The following BLTP3B variants were observed in gnomAD, a reference collection of about 807,000 sequenced individuals.
The protein encoded by BLTP3B is bridge-like lipid transfer protein family member 3B, also known as UHRF1 (ICBP90) binding protein 1-like.
At chr12:100,054,209 T>A in the BLTP3B span, among the ~76,000 whole-genome samples, 9 of 152,310 alleles carry the variant, frequency 5.9e-5, no homozygotes, top group South Asian at 1.4e-3. Flanking sequence ...CAATTTTATA[T>A]AGGCTTAAAA....
At chr12:100,054,104 ATATAAT>A in the BLTP3B span, among the ~76,000 whole-genome samples, 1 of 152,196 alleles carries the variant, frequency 6.6e-6, no homozygotes, top group Non-Finnish European at 1.5e-5. Context: ...GTGAACAATA[ATATAAT>A]TATAGCACTT....
At chr12:100,116,843 C>T in the BLTP3B span, among the ~76,000 whole-genome samples, 1 of 152,038 alleles carries the variant, frequency 6.6e-6, no homozygotes, top group Non-Finnish European at 1.5e-5. Context: ...GAAAATCATA[C>T]AGAATTATTA....
At chr12:100,060,066 A>T in the BLTP3B span, 4 of 1,535,462 alleles carry the variant, frequency 2.6e-6, no homozygotes, top group Non-Finnish European at 3.5e-6. Context: ...GATGTTTTTT[A>T]AAAATTTTTA....
At chr12:100,048,068 C>T in the BLTP3B span, 3 of 1,612,862 alleles carry the variant, frequency 1.9e-6, no homozygotes, top group African/African-American at 4.0e-5. Context: ...CTGAAGTTTT[C>T]TATGTGGCAC....
chr12:100,118,765 T>C, the BLTP3B span, among the ~76,000 whole-genome samples: 4 of 152,170 alleles, frequency 2.6e-5, no homozygotes, highest in Admixed American at 2.6e-4. Context: ...TTATGGAAAG[T>C]TTATTCATTT....
chr12:100,142,821 G>A, the BLTP3B span: 12 of 754,718 alleles, frequency 1.6e-5, no homozygotes, highest in African/African-American at 9.4e-5. Context: ...TCACGCTCAG[G>A]CCGCCACGGC....
chr12:100,059,405 T>A, the BLTP3B span: 28 of 1,614,088 alleles, frequency 1.7e-5, no homozygotes, highest in Admixed American at 3.3e-4. Context: ...GAAACAAAGC[T>A]TCTAGGTCAG....
the BLTP3B span, among the ~76,000 whole-genome samples, chr12:100,061,037 G>A: frequency 1.3e-5 from 2 of 152,084 alleles, no homozygotes; most frequent in African/African-American, 4.8e-5. Flanking sequence ...AAAAAATAGG[G>A]CATGGTCCTT....
the BLTP3B span, among the ~76,000 whole-genome samples, chr12:100,085,672 T>C: frequency 6.6e-6 from 1 of 152,146 alleles, no homozygotes; most frequent in Non-Finnish European, 1.5e-5. Context: ...TCTAGTTTGG[T>C]TTTTCTCACT....
the BLTP3B span, among the ~76,000 whole-genome samples, chr12:100,124,067 T>A: frequency 6.6e-6 from 1 of 151,780 alleles, no homozygotes; most frequent in Non-Finnish European, 1.5e-5. Flanking sequence ...GAGTTCAAGA[T>A]CAGCCTGGGA....
chr12:100,046,493 G>C, the BLTP3B span, among the ~76,000 whole-genome samples: 3 of 150,598 alleles, frequency 2.0e-5, no homozygotes, highest in East Asian at 5.9e-4. Flanking sequence ...ACTGTATACC[G>C]CATGTTCTCA....
At chr12:100,062,402 G>C in the BLTP3B span, among the ~76,000 whole-genome samples, 6 of 152,190 alleles carry the variant, frequency 3.9e-5, no homozygotes, top group Non-Finnish European at 5.9e-5. Context: ...GTTCAAAACA[G>C]AGATAATGAA....
chr12:100,042,831 G>A, the BLTP3B span, among the ~76,000 whole-genome samples: 5 of 152,148 alleles, frequency 3.3e-5, no homozygotes. Context: ...ATGGATTCTT[G>A]CTCTGTTGTT....
chr12:100,108,632 AAATAT>A, the BLTP3B span: 1 of 1,180,318 alleles, frequency 8.5e-7, no homozygotes, highest in Non-Finnish European at 1.2e-6. Context: ...AGAGAACTAA[AAATAT>A]AATAGGAGTG....
chr12:100,057,556 G>A, the BLTP3B span: 39 of 1,594,784 alleles, frequency 2.4e-5, no homozygotes, highest in Admixed American at 8.7e-5. Flanking sequence ...TTCTTAAGCC[G>A]TATCATAACT....
At chr12:100,084,541 T>G in the BLTP3B span, 1 of 1,614,074 alleles carries the variant, frequency 6.2e-7, no homozygotes, top group Non-Finnish European at 8.5e-7. Flanking sequence ...ATTATGATCC[T>G]TCACAGCCTG....
At chr12:100,111,361 A>G in the BLTP3B span, among the ~76,000 whole-genome samples, 2 of 128,096 alleles carry the variant, frequency 1.6e-5, no homozygotes, top group Admixed American at 2.0e-4. Context: ...TGGTGTGATC[A>G]TGGCTCATTT....
chr12:100,098,173 G>A, the BLTP3B span, among the ~76,000 whole-genome samples: 5 of 152,028 alleles, frequency 3.3e-5, no homozygotes, highest in South Asian at 1.0e-3. Context: ...AGCCGTGATT[G>A]CGCCACTGCA....
At chr12:100,085,003 TAA>T in the BLTP3B span, among the ~76,000 whole-genome samples, 8 of 152,054 alleles carry the variant, frequency 5.3e-5, no homozygotes. Context: ...TATTATCAAA[TAA>T]ATAGAATCCT....
Sources: gnomAD v4.1 joint callset for allele counts (sites outside exome capture counted in the v4.1 genomes callset) on GRCh38, gnomAD v4.1.1 for gene constraint, MANE v1.5 for transcripts, NCBI Gene and HGNC (gene_info 2026-07-23, HGNC 2026-07-21) for gene names.